Variants in STK4 observed in about 807,000 individuals in gnomAD.
STK4 encodes the protein serine/threonine kinase 4.
In STK4, 30 loss-of-function variants were observed where a neutral mutation model predicts 64.9. That is an observed-to-expected ratio of 0.46 (90% confidence interval 0.35 to 0.63). The LOEUF (loss-of-function observed/expected upper bound fraction) is 0.63, where lower values mean the gene tolerates loss of function less well. STK4 is among the 20% of genes least tolerant of loss of function. STK4 has a pLI of 0.01. For synonymous variants in STK4, 177 were observed against 199.0 expected, an observed-to-expected ratio of 0.89 and a Z score of 0.93; for missense variants, 466 against 598.5, an observed-to-expected ratio of 0.78 and a Z score of 2.31.
chr20:44,967,214 A>G lies in STK4; in HGVS notation c.35+611A>G, dbSNP rs1016387932. ...ATGGCATCTTTTATTACTGATGTTCAGTGTCTTCCTAATGGTCTTCACATC... is the reference window on the plus strand; with the variant it reads ...ATGGCATCTTTTATTACTGATGTTCGGTGTCTTCCTAATGGTCTTCACATC... On this transcript the variant is annotated intron_variant, in intron 1 of 10. Coordinates refer to ENST00000372806, the MANE Select transcript of STK4 (RefSeq NM_006282.5). 7.1e-6 allele frequency: 7 copies of G among 985,252 alleles called. No homozygotes were observed. In the African/African-American group the frequency reaches 1.2e-4, roughly 17 times the overall value. 61.0% of individuals were successfully genotyped at this position (985,252 alleles called of 1,614,324 possible). A position where few individuals can be genotyped will look rare whatever the true frequency, so the allele number is the denominator to read the frequency against.
At chr20:45,045,375 C>T (rs2068677355) in intron 10 of STK4, among the ~76,000 whole-genome samples, 2 of 152,170 alleles carry the variant, frequency 1.3e-5, no homozygotes, top group African/African-American at 4.8e-5. Context: ...AGGTCTGGAA[C>T]CCAGACCCCT....
intron 9 of STK4, among the ~76,000 whole-genome samples, chr20:45,008,294 A>G (rs2067985963): frequency 6.6e-6 from 1 of 152,082 alleles, no homozygotes; most frequent in African/African-American, 2.4e-5. Context: ...ACCTCAAATG[A>G]TCCACCCGCC....
At chr20:45,016,060 C>T (rs2068136404) in intron 9 of STK4, among the ~76,000 whole-genome samples, 1 of 152,130 alleles carries the variant, frequency 6.6e-6, no homozygotes, top group Non-Finnish European at 1.5e-5. Flanking sequence ...CTGGCATGAA[C>T]ATGGTTGAGC....
chr20:45,054,760 T>C (rs1978332402), intron 10 of STK4, among the ~76,000 whole-genome samples: 1 of 152,012 alleles, frequency 6.6e-6, no homozygotes, highest in Admixed American at 6.5e-5. Flanking sequence ...GAAGAGCAAA[T>C]GAGATTAATA....
At chr20:44,993,808 G>T (rs1466543980) in intron 5 of STK4, among the ~76,000 whole-genome samples, 1 of 152,140 alleles carries the variant, frequency 6.6e-6, no homozygotes, top group African/African-American at 2.4e-5. Context: ...GCGAGACCTT[G>T]TCTCTACTAA....
At chr20:44,988,297 T>C (rs2067566499) in intron 5 of STK4, among the ~76,000 whole-genome samples, 1 of 151,550 alleles carries the variant, frequency 6.6e-6, no homozygotes, top group Non-Finnish European at 1.5e-5. Context: ...GGAGGATCAC[T>C]TGAGGTTAGG....
intron 9 of STK4, among the ~76,000 whole-genome samples, chr20:45,005,411 C>T (rs951882296): frequency 7.3e-5 from 11 of 151,700 alleles, no homozygotes; most frequent in Admixed American, 5.3e-4. Flanking sequence ...TTTGGGAGGC[C>T]GAGGCAGGCG....
At chr20:45,055,350 G>C (rs1978374591) in intron 10 of STK4, among the ~76,000 whole-genome samples, 1 of 152,188 alleles carries the variant, frequency 6.6e-6, no homozygotes, top group Non-Finnish European at 1.5e-5. Flanking sequence ...TTTCACTCCA[G>C]ATGTAGGTCT....
At position 44,990,334 on chromosome 20, in the gene STK4, C is replaced by A. The variant is rs370829312; in HGVS notation, c.525+3038C>A. 7.5e-4 allele frequency among the ~76,000 whole-genome samples: 113 copies of A among 149,692 alleles called. 3 individuals are homozygous for A. The South Asian group carries it at 0.02, about 27-fold the overall frequency. ...GGATTTGCCTTATTTTCAGATTGTT[C>A]ATTGCTAGTGTAACATACAATTGAT... On this transcript the variant is annotated intron_variant, in intron 5 of 10. Coordinates refer to ENST00000372806, the MANE Select transcript of STK4 (RefSeq NM_006282.5).
chr20:45,009,760 G>T (rs1304638485), intron 9 of STK4, among the ~76,000 whole-genome samples: 1 of 152,060 alleles, frequency 6.6e-6, no homozygotes, highest in East Asian at 1.9e-4. Flanking sequence ...TTGGTTACCT[G>T]TATTCTTAGA....
intron 1 of STK4, among the ~76,000 whole-genome samples, chr20:44,970,357 T>C (rs942641159): frequency 6.6e-6 from 1 of 152,170 alleles, no homozygotes; most frequent in Non-Finnish European, 1.5e-5. Flanking sequence ...ATAGTGACTT[T>C]TGCATTTTGT....
chr20:44,982,589 G>A (rs16989579), intron 4 of STK4, among the ~76,000 whole-genome samples: 4,271 of 152,122 alleles, frequency 0.028, 182 homozygotes, highest in African/African-American at 0.092. Flanking sequence ...TCTACCTAGC[G>A]TGTTCACAAA....
chr20:44,984,354 C>T (rs2067494542), intron 4 of STK4, among the ~76,000 whole-genome samples: 1 of 151,838 alleles, frequency 6.6e-6, no homozygotes, highest in Non-Finnish European at 1.5e-5. Flanking sequence ...GCGCCCGCCA[C>T]CACGCCTGGC....
intron 9 of STK4, among the ~76,000 whole-genome samples, chr20:45,006,134 A>G (rs2067939586): frequency 6.7e-6 from 1 of 150,226 alleles, no homozygotes; most frequent in African/African-American, 2.4e-5. Flanking sequence ...TTTCAATCTA[A>G]GGACCCAGGA....
At chr20:45,038,047 C>T (rs1968103368) in intron 10 of STK4, among the ~76,000 whole-genome samples, 1 of 152,112 alleles carries the variant, frequency 6.6e-6, no homozygotes, top group African/African-American at 2.4e-5. Flanking sequence ...AAAAATAACT[C>T]TCCCAAAACA....
At chr20:45,020,106 TC>T (rs1199909880) in intron 9 of STK4, among the ~76,000 whole-genome samples, 3 of 152,224 alleles carry the variant, frequency 2.0e-5, no homozygotes, top group Non-Finnish European at 4.4e-5. Context: ...TCAAGTCCCA[TC>T]CTTGTTGGTT....
chr20:45,065,617 G>T (rs1188620720), intron 10 of STK4, among the ~76,000 whole-genome samples: 1 of 141,392 alleles, frequency 7.1e-6, no homozygotes, highest in Non-Finnish European at 1.6e-5. Flanking sequence ...ATCTGGTCCT[G>T]GTCCTGGTTC....
intron 10 of STK4, among the ~76,000 whole-genome samples, chr20:45,061,446 G>T (rs1490446246): frequency 6.6e-6 from 1 of 152,128 alleles, no homozygotes; most frequent in Non-Finnish European, 1.5e-5. Context: ...GCTCCATCCT[G>T]CCTGGGACAT....
intron 5 of STK4, among the ~76,000 whole-genome samples, chr20:44,991,246 A>T (rs910880558): frequency 6.6e-6 from 1 of 152,216 alleles, no homozygotes; most frequent in African/African-American, 2.4e-5. Flanking sequence ...CTTTCCCTAC[A>T]GTTGGATGTT....
Sources: allele counts gnomAD v4.1 joint callset (sites outside exome capture counted in the v4.1 genomes callset), GRCh38; gene constraint gnomAD v4.1.1; transcripts MANE v1.5; gene names NCBI Gene and HGNC (gene_info 2026-07-23, HGNC 2026-07-21).